The following STK32B variants were observed in gnomAD, a reference collection of about 807,000 sequenced individuals.
STK32B encodes serine/threonine-protein kinase 32B.
In STK32B, 43 loss-of-function variants were observed where a neutral mutation model predicts 52.6. The ratio of observed to expected loss-of-function variants is 0.82; its 90% CI spans 0.64 to 1.05. The LOEUF (loss-of-function observed/expected upper bound fraction) is 1.05, where lower values mean the gene tolerates loss of function less well. Among genes scored for constraint, STK32B ranks in the 50% least tolerant of loss-of-function variants. The pLI is 0.00. For missense variants in STK32B, 621 were observed against 534.6 expected, an observed-to-expected ratio of 1.16 and a Z score of -1.59; for synonymous variants, 238 against 204.3, an observed-to-expected ratio of 1.17 and a Z score of -1.41.
At chr4:5,495,958 C>T (rs1421742136) in intron 11 of STK32B, among the ~76,000 whole-genome samples, 2 of 152,122 alleles carry the variant, frequency 1.3e-5, no homozygotes, top group East Asian at 1.9e-4. Flanking sequence ...GTGGAGTACC[C>T]GGCCGTGTGA....
intron 3 of STK32B, among the ~76,000 whole-genome samples, chr4:5,185,122 A>G (rs1280124437): frequency 1.3e-5 from 2 of 152,190 alleles, no homozygotes; most frequent in African/African-American, 4.8e-5. Context: ...ATTGAATGTT[A>G]ATGGGTCAGT....
At chr4:5,336,292 A>G (rs563892432) in intron 4 of STK32B, among the ~76,000 whole-genome samples, 25 of 151,938 alleles carry the variant, frequency 1.6e-4, no homozygotes, top group African/African-American at 5.6e-4. Flanking sequence ...TGTGCCATCA[A>G]AGGTTTTCCA....
At chr4:5,495,676 T>G (rs1413978534) in intron 11 of STK32B, among the ~76,000 whole-genome samples, 1 of 152,174 alleles carries the variant, frequency 6.6e-6, no homozygotes, top group Non-Finnish European at 1.5e-5. Context: ...TTCCAGTTTT[T>G]CTGCTCTGTT....
intron 1 of STK32B, among the ~76,000 whole-genome samples, chr4:5,079,487 C>T (rs1577054196): frequency 1.3e-5 from 2 of 152,282 alleles, no homozygotes; most frequent in South Asian, 2.1e-4. Flanking sequence ...GGCAAAATTT[C>T]AATCTCATTG....
upstream of STK32B, among the ~76,000 whole-genome samples, chr4:5,049,967 GA>G (rs1281749834): frequency 6.6e-6 from 1 of 152,176 alleles, no homozygotes; most frequent in Admixed American, 6.5e-5. Context: ...CTCAGATGAA[GA>G]AACTGAGTCC....
chr4:5,442,786 G>T (rs1577506495), intron 6 of STK32B, among the ~76,000 whole-genome samples: 1 of 152,144 alleles, frequency 6.6e-6, no homozygotes, highest in African/African-American at 2.4e-5. Flanking sequence ...AGGAGCTCTT[G>T]TAAGGCAGGC....
intron 7 of STK32B, among the ~76,000 whole-genome samples, chr4:5,454,394 G>A (rs1191069663): frequency 6.6e-6 from 1 of 152,038 alleles, no homozygotes; most frequent in East Asian, 1.9e-4. Context: ...AGGCCTCTCT[G>A]CTTGGCTTGT....
chr4:5,265,983 A>T (rs1371538464), intron 3 of STK32B, among the ~76,000 whole-genome samples: 4 of 152,208 alleles, frequency 2.6e-5, no homozygotes, highest in Non-Finnish European at 5.9e-5. Flanking sequence ...ATCTTTGTAC[A>T]TAAAAATTTT....
intron 6 of STK32B, among the ~76,000 whole-genome samples, chr4:5,428,457 G>C (rs536266034): frequency 6.6e-6 from 1 of 152,170 alleles, no homozygotes; most frequent in East Asian, 1.9e-4. Flanking sequence ...CAGTATTTGG[G>C]AATTTTTAAT....
intron 11 of STK32B, among the ~76,000 whole-genome samples, chr4:5,482,552 C>T (rs1053899648): frequency 6.6e-6 from 1 of 152,192 alleles, no homozygotes; most frequent in African/African-American, 2.4e-5. Flanking sequence ...TTGACTTCCT[C>T]TTTTCCTAAT....
intron 1 of STK32B, among the ~76,000 whole-genome samples, chr4:5,082,364 G>A (rs945089325): frequency 1.3e-5 from 2 of 152,192 alleles, no homozygotes; most frequent in Non-Finnish European, 1.5e-5. Context: ...TTCAGGGCAG[G>A]GAGAGAGGGA....
At chr4:5,057,010 T>C (rs966101553) in intron 1 of STK32B, among the ~76,000 whole-genome samples, 1 of 152,214 alleles carries the variant, frequency 6.6e-6, no homozygotes, top group African/African-American at 2.4e-5. Context: ...TGATTCCACA[T>C]CCACCTTTTG....
chr4:5,237,542 T>C (rs547959732), intron 3 of STK32B, among the ~76,000 whole-genome samples: 2 of 152,334 alleles, frequency 1.3e-5, no homozygotes, highest in African/African-American at 4.8e-5. Context: ...GCAGATGTTT[T>C]CTCTGAGTCT....
Position 5,469,143 on chromosome 4 carries a change from G to T in STK32B, c.1106+1073G>T, listed in dbSNP as rs1327766246. 6.6e-6 allele frequency among the ~76,000 whole-genome samples: 1 copy of T among 152,136 alleles called. No individual in the cohort carries two copies. Among genetic ancestry groups the T allele is most frequent in the African/African-American group, 2.4e-5 (1 of 41,418 alleles). On this transcript the variant is annotated intron_variant, in intron 11 of 11. Transcript: ENST00000282908. The surrounding 1 kb of genome is among the most constrained non-coding windows in gnomAD (Gnocchi z 4.7). ...GCAGGGGCAGCCGATGAGCCCCATT[G>T]GACCCACACTAAGCCAAGCTTTGGG...
intron 4 of STK32B, among the ~76,000 whole-genome samples, chr4:5,357,054 CACATATATACACACAT>C (rs1734225853): frequency 6.9e-6 from 1 of 144,540 alleles, no homozygotes; most frequent in Non-Finnish European, 1.5e-5. Flanking sequence ...TATACACACA[CACATATATACACACAT>C]ATACACACAC....
intron 1 of STK32B, among the ~76,000 whole-genome samples, chr4:5,105,553 T>A (rs1239093581): frequency 1.3e-5 from 2 of 152,076 alleles, no homozygotes; most frequent in Non-Finnish European, 2.9e-5. Flanking sequence ...TGCGCATTTT[T>A]ACTCTCTTGC....
chr4:5,133,357 G>C (rs1016349970), intron 1 of STK32B, among the ~76,000 whole-genome samples: 1 of 152,168 alleles, frequency 6.6e-6, no homozygotes, highest in African/African-American at 2.4e-5. Context: ...GCCACAGCTT[G>C]GTCAGCCCCC....
At chr4:5,125,819 T>A (rs747224) in intron 1 of STK32B, among the ~76,000 whole-genome samples, 1 of 152,002 alleles carries the variant, frequency 6.6e-6, no homozygotes, top group Non-Finnish European at 1.5e-5. Context: ...TTCACTGCAT[T>A]TGTAACTCTG....
chr4:5,309,153 A>G lies in STK32B; in HGVS notation c.261-22067A>G, dbSNP rs1267765685. The stretch of plus-strand genomic sequence containing the variant: ...GAAAACAATTTCATTTGCAATAGCT[A>G]CAAAATAATACATATAAATAAATTT... On this transcript the variant is annotated intron_variant, in intron 3 of 11. Transcript: ENST00000282908. 2.6e-5 allele frequency among the ~76,000 whole-genome samples: 4 copies of G among 152,164 alleles called. No homozygotes were observed. In the East Asian group the frequency reaches 7.7e-4, roughly 29 times the overall value.
Sources: gnomAD v4.1 joint callset for allele counts (sites outside exome capture counted in the v4.1 genomes callset) on GRCh38, gnomAD v4.1.1 for gene constraint, Gnocchi (gnomAD v3.1) non-coding constraint, MANE v1.5 for transcripts, NCBI Gene and HGNC (gene_info 2026-07-23, HGNC 2026-07-21) for gene names.